COL13A1: variants seen among roughly 807,000 people sequenced by gnomAD.
COL13A1 encodes collagen alpha-1(XIII) chain.
In COL13A1, 89 loss-of-function variants were observed where a neutral mutation model predicts 130.9. The observed-to-expected ratio is 0.68, with a 90% CI of 0.57 to 0.81. The LOEUF is 0.81. Ranked by LOEUF, COL13A1 falls within the 30% of genes least tolerant of loss-of-function variation. The pLI, the probability that COL13A1 is intolerant of heterozygous loss-of-function variation, is 0.00. For synonymous variants in COL13A1, 402 were observed against 341.6 expected, an observed-to-expected ratio of 1.18 and a Z score of -1.95; for missense variants, 879 against 934.6, an observed-to-expected ratio of 0.94 and a Z score of 0.78.
intron 1 of COL13A1, among the ~76,000 whole-genome samples, chr10:69,811,021 G>T (rs1453079792): frequency 6.6e-6 from 1 of 152,194 alleles, no homozygotes; most frequent in Non-Finnish European, 1.5e-5. Flanking sequence ...CTCCCTGCCT[G>T]GCGGCTATTG....
Position 69,927,126 on chromosome 10 carries a change from C to T in COL13A1, c.1422+16C>T. ...GGCCTTGATGGTAAGTTTTGCTCCT[C>T]CTGGCTTTCCTTGGGCACTGGACGG... On this transcript the variant is annotated intron_variant, in intron 27 of 40. Transcript: ENST00000645393. 6.2e-7 allele frequency: 1 copy of T among 1,610,480 alleles called. No homozygotes were observed. The highest frequency in any genetic ancestry group is 1.4e-5 in the African/African-American group (1 of 73,794).
At chr10:69,903,421 C>T (rs1446992381) in intron 15 of COL13A1, among the ~76,000 whole-genome samples, 1 of 152,212 alleles carries the variant, frequency 6.6e-6, no homozygotes, top group African/African-American at 2.4e-5. Context: ...CCAACTGGCA[C>T]CTCTCCAGGC....
chr10:69,947,954 G>A (rs1221401730), intron 38 of COL13A1, among the ~76,000 whole-genome samples: 1 of 152,158 alleles, frequency 6.6e-6, no homozygotes, highest in African/African-American at 2.4e-5. Flanking sequence ...CACATAACAG[G>A]GGGTGGCACC....
chr10:69,956,579 G>A (rs1258009395), intron 39 of COL13A1: 2 of 181,596 alleles, frequency 1.1e-5, no homozygotes, highest in African/African-American at 4.6e-5. Flanking sequence ...TGAGAAGGCT[G>A]GGAAGGCCCT....
At chr10:69,860,790 G>A in intron 2 of COL13A1, 1 of 213,684 alleles carries the variant, frequency 4.7e-6, no homozygotes, top group Non-Finnish European at 9.8e-6. Context: ...CTGGCATCAA[G>A]GGAGCTGCAG....
intron 1 of COL13A1, among the ~76,000 whole-genome samples, chr10:69,816,158 TAGA>T (rs1199711514): frequency 6.7e-6 from 1 of 148,844 alleles, no homozygotes; most frequent in East Asian, 2.0e-4. Context: ...GGGCATTCGT[TAGA>T]AGGTTATCAC....
At chr10:69,936,443 A>G (rs1220871013) in intron 32 of COL13A1, among the ~76,000 whole-genome samples, 2 of 152,170 alleles carry the variant, frequency 1.3e-5, no homozygotes, top group Admixed American at 1.3e-4. Flanking sequence ...CACTGTTCCA[A>G]GCACTTTGCC....
chr10:69,843,057 C>G (rs955673655), intron 2 of COL13A1, among the ~76,000 whole-genome samples: 5 of 152,148 alleles, frequency 3.3e-5, no homozygotes, highest in African/African-American at 1.2e-4. Flanking sequence ...GCAAAGAAAT[C>G]ATGGCTCCTA....
intron 13 of COL13A1, among the ~76,000 whole-genome samples, chr10:69,897,955 C>T (rs942567): frequency 0.92 from 140,271 of 152,176 alleles, 65,810 homozygotes; most frequent in East Asian, 1. Flanking sequence ...CAAGTTGCCT[C>T]CCGCAAAAAC....
At chr10:69,813,198 C>T (rs1450788806) in intron 1 of COL13A1, among the ~76,000 whole-genome samples, 2 of 152,054 alleles carry the variant, frequency 1.3e-5, no homozygotes, top group Admixed American at 6.6e-5. Flanking sequence ...TGGTGGGGGG[C>T]CCCTGCCTTA....
chr10:69,806,108 G>A (rs949942183), intron 1 of COL13A1, among the ~76,000 whole-genome samples: 6 of 152,268 alleles, frequency 3.9e-5, no homozygotes, highest in African/African-American at 7.2e-5. Flanking sequence ...TCACTAAAAG[G>A]TGCCATCACC....
At chr10:69,946,283 T>C (rs2068519437) in intron 37 of COL13A1, among the ~76,000 whole-genome samples, 3 of 152,142 alleles carry the variant, frequency 2.0e-5, no homozygotes, top group South Asian at 4.1e-4. Context: ...CCCCTCCCAC[T>C]GTGTTAAGTG....
chr10:69,911,046 C>T (rs1188673965), intron 17 of COL13A1, among the ~76,000 whole-genome samples: 1 of 152,168 alleles, frequency 6.6e-6, no homozygotes, highest in African/African-American at 2.4e-5. Flanking sequence ...TCCTGGAGGC[C>T]AGTGGGGCTC....
In COL13A1 at chr10:69,922,720, G is replaced by A. The variant is rs769993863; in HGVS notation, c.1156G>A (p.Asp386Asn). ...GLLGQKGEKG[D>N]AGNSIGGGRG... Reference sequence around the variant, plus strand: ...CTTCCACCCCCAGGGAGAGAAAGGCGATGCTGGCAACTCCATTGGAGGAGG... The same window carrying A: ...CTTCCACCCCCAGGGAGAGAAAGGCAATGCTGGCAACTCCATTGGAGGAGG... Residue 386 changes from aspartate to asparagine, a missense_variant, in exon 23 of 41, where the codon GAT becomes AAT. Asp to Asn is a conservative substitution (Grantham distance 23). Transcript: ENST00000645393. 1.7e-5 allele frequency: 28 copies of A among 1,606,218 alleles called. No homozygotes were observed. In the East Asian group the frequency reaches 1.8e-4, roughly 10 times the overall value.
In COL13A1 at chr10:69,952,093, C is replaced by T. The variant is rs111812711; in HGVS notation, c.2059-789C>T. 2.6e-5 allele frequency among the ~76,000 whole-genome samples: 4 copies of T among 152,306 alleles called. 1 individual carries two copies. The highest frequency in any genetic ancestry group is 9.6e-5 in the African/African-American group (4 of 41,562). Reference sequence around the variant, plus strand: ...GTAGCTTTTCAGAAACAAATGAATTCCTTAAACCAACATATTCATATACAA... The same window carrying T: ...GTAGCTTTTCAGAAACAAATGAATTTCTTAAACCAACATATTCATATACAA... On this transcript the variant is annotated intron_variant, in intron 38 of 40. Coordinates refer to ENST00000645393, the MANE Select transcript of COL13A1 (RefSeq NM_001368882.1).
At position 69,889,411 on chromosome 10, in the gene COL13A1, C is replaced by A; in HGVS notation, c.577-3C>A. 6.2e-7 allele frequency: 1 copy of A among 1,611,036 alleles called. No homozygotes were observed. The highest frequency in any genetic ancestry group is 8.5e-7 in the Non-Finnish European group (1 of 1,178,838). On this transcript the variant is annotated splice_polypyrimidine_tract_variant and splice_region_variant and intron_variant, in intron 9 of 40. Coordinates refer to ENST00000645393, the MANE Select transcript of COL13A1 (RefSeq NM_001368882.1). The stretch of plus-strand genomic sequence containing the variant: ...CCTGGTACTCACCCTCTTCTCCTTC[C>A]AGGGCCACCCAGGACCAAAGGGCGA...
chr10:69,932,577 CG>C lies in COL13A1; in HGVS notation c.1705del (p.Glu569ArgfsTer36), dbSNP rs1169633987. On this transcript the variant is annotated frameshift_variant, in exon 31 of 41. Transcript: ENST00000645393. LOFTEE classifies it high-confidence loss of function. Reference protein sequence around the residue: ...AGSPGEKGEAGEKGNPGAEVP... With the variant: ...AGSPGEKGEAXEKGNPGAEVP... ...GCCCACAGGGAGAGAAAGGAGAAGC[CG>C]GGGAGAAGGGCAATCCAGGAGCAGA... The C allele has an allele frequency of 6.2e-7, 1 of 1,611,638 alleles. No individual in the cohort carries two copies. The highest frequency in any genetic ancestry group is 1.3e-5 in the African/African-American group (1 of 74,852).
chr10:69,909,467 C>T (rs1435411813), intron 17 of COL13A1, among the ~76,000 whole-genome samples: 1 of 152,258 alleles, frequency 6.6e-6, no homozygotes, highest in African/African-American at 2.4e-5. Context: ...GTAGGTGCCA[C>T]TGGAGCCACT....
At chr10:69,932,350 CAG>C (rs2135877572) in intron 30 of COL13A1, among the ~76,000 whole-genome samples, 1 of 152,284 alleles carries the variant, frequency 6.6e-6, no homozygotes, top group East Asian at 1.9e-4. Flanking sequence ...CTGTACGCTG[CAG>C]AGTCCACAGA....
Sources: gnomAD v4.1 joint callset for allele counts (sites outside exome capture counted in the v4.1 genomes callset) on GRCh38, gnomAD v4.1.1 for gene constraint, MANE v1.5 for transcripts, NCBI Gene and HGNC (gene_info 2026-07-23, HGNC 2026-07-21) for gene names.